The following EYA1 variants were observed in gnomAD, a reference collection of about 807,000 sequenced individuals.
The protein encoded by EYA1 is EYA transcriptional coactivator and phosphatase 1.
A neutral mutation model predicts 82.0 loss-of-function variants in EYA1; 16 were observed. The observed-to-expected ratio is 0.20, with a 90% CI of 0.13 to 0.30. The LOEUF (loss-of-function observed/expected upper bound fraction) is 0.30, where lower values mean the gene tolerates loss of function less well. Ranked by LOEUF, EYA1 falls within the 10% of genes least tolerant of loss-of-function variation. The pLI is 1.00. For missense variants in EYA1, 633 were observed against 730.7 expected (o/e 0.87, Z 1.54); for synonymous variants, 261 against 264.4 (o/e 0.99, Z 0.12).
intron 12 of EYA1, among the ~76,000 whole-genome samples, chr8:71,235,183 A>G (rs1324174934): frequency 6.6e-6 from 1 of 152,170 alleles, no homozygotes; most frequent in Non-Finnish European, 1.5e-5. Flanking sequence ...TCTTGCCCCG[A>G]TTCCATTTGA....
chr8:71,255,610 A>C (rs1814314685), intron 11 of EYA1, among the ~76,000 whole-genome samples: 1 of 152,188 alleles, frequency 6.6e-6, no homozygotes, highest in South Asian at 2.1e-4. Context: ...ATAGATCAAA[A>C]ACCTAAATGA....
chr8:71,226,418 G>T (rs548548437), intron 12 of EYA1, among the ~76,000 whole-genome samples: 16 of 151,670 alleles, frequency 1.1e-4, no homozygotes, highest in Non-Finnish European at 1.9e-4. Context: ...CACCATGAAT[G>T]CCTTCTTTAC....
intron 3 of EYA1, chr8:71,334,404 A>C (rs1824250543): frequency 1.8e-6 from 1 of 568,488 alleles, no homozygotes; most frequent in Admixed American, 3.0e-5. Flanking sequence ...TAAAAGCAGC[A>C]CTGTAAAAGT....
In EYA1 at chr8:71,480,919, T is replaced by C. The variant is rs1406950106; in HGVS notation, c.33+54825A>G. 8.5e-5 allele frequency among the ~76,000 whole-genome samples: 13 copies of C among 152,278 alleles called. No individual in the cohort carries two copies. The East Asian group carries it at 2.5e-3, about 29-fold the overall frequency. ...TTGAGGTGAAAATGGCTTTTTTCCGTGGTCAATAAAATTAGAATTTTTTTT... is the reference window on the plus strand; with the variant it reads ...TTGAGGTGAAAATGGCTTTTTTCCGCGGTCAATAAAATTAGAATTTTTTTT... On this transcript the variant is annotated intron_variant, in intron 2 of 18. Coordinates refer to the EYA1 transcript ENST00000643681.
At chr8:71,340,234 GAC>G (rs762501577) in intron 3 of EYA1, among the ~76,000 whole-genome samples, 21 of 152,124 alleles carry the variant, frequency 1.4e-4, no homozygotes, top group Admixed American at 7.2e-4. Flanking sequence ...CCCATACTCT[GAC>G]ACAGAATTTT....
At chr8:71,510,647 G>A (rs752306868) in intron 2 of EYA1, among the ~76,000 whole-genome samples, 17 of 152,166 alleles carry the variant, frequency 1.1e-4, no homozygotes, top group Admixed American at 3.9e-4. Flanking sequence ...CCACTCATAT[G>A]GTTCAATTAC....
chr8:71,364,643 A>G (rs1827633324), upstream of EYA1, among the ~76,000 whole-genome samples: 1 of 152,054 alleles, frequency 6.6e-6, no homozygotes, highest in South Asian at 2.1e-4. Flanking sequence ...TGTAAATCTC[A>G]ATACATAAAT....
chr8:71,491,039 A>C (rs1810957790), intron 2 of EYA1, among the ~76,000 whole-genome samples: 1 of 152,140 alleles, frequency 6.6e-6, no homozygotes, highest in Non-Finnish European at 1.5e-5. Context: ...GAAAAAAAAA[A>C]CACTGAGCAT....
intron 1 of EYA1, among the ~76,000 whole-genome samples, chr8:71,545,948 C>T (rs76589218): frequency 0.016 from 2,505 of 152,270 alleles, 52 homozygotes; most frequent in African/African-American, 0.058. Flanking sequence ...ACACTGTGCT[C>T]TCTCTTGATC....
At chr8:71,417,563 A>G (rs1830921706) in intron 2 of EYA1, among the ~76,000 whole-genome samples, 1 of 152,196 alleles carries the variant, frequency 6.6e-6, no homozygotes, top group Admixed American at 6.5e-5. Context: ...GTTTGTAGTG[A>G]TTATGAATAA....
At chr8:71,343,894 T>A (rs1490604218) in intron 3 of EYA1, among the ~76,000 whole-genome samples, 1 of 152,180 alleles carries the variant, frequency 6.6e-6, no homozygotes, top group Non-Finnish European at 1.5e-5. Context: ...TCTCCAATAT[T>A]ATGCTATAAA....
At chr8:71,280,994 C>A (rs1453962235) in intron 9 of EYA1, among the ~76,000 whole-genome samples, 1 of 152,130 alleles carries the variant, frequency 6.6e-6, no homozygotes, top group African/African-American at 2.4e-5. Flanking sequence ...TGGGATCAAG[C>A]GATCTGCCTG....
At chr8:71,368,735 C>T (rs1181283259) in intron 2 of EYA1, among the ~76,000 whole-genome samples, 2 of 152,056 alleles carry the variant, frequency 1.3e-5, no homozygotes, top group Non-Finnish European at 2.9e-5. Context: ...TGACCTAACT[C>T]ACCACAAATA....
In EYA1 at chr8:71,269,098, A is replaced by ATTCCAAAC. The variant is rs1340567876; in HGVS notation, c.1050+634_1050+641dup. 5.9e-5 allele frequency among the ~76,000 whole-genome samples: 9 copies of ATTCCAAAC among 152,348 alleles called. No homozygotes were observed. In the South Asian group the frequency reaches 8.3e-4, roughly 14 times the overall value. ...AAATCATCAATATGCCAAAAAAGAA[A>ATTCCAAAC]TTCCAAACTTTTGGGATACCCAAAT... On this transcript the variant is annotated intron_variant, in intron 11 of 17. Coordinates refer to ENST00000340726, the MANE Select transcript of EYA1 (RefSeq NM_000503.6).
intron 2 of EYA1, among the ~76,000 whole-genome samples, chr8:71,399,395 C>T (rs544696341): frequency 3.9e-5 from 6 of 152,288 alleles, no homozygotes; most frequent in African/African-American, 1.4e-4. Flanking sequence ...TGTTCCTACT[C>T]GGCTATCTTG....
intron 2 of EYA1, among the ~76,000 whole-genome samples, chr8:71,415,485 G>A (rs1450703999): frequency 1.3e-5 from 2 of 152,196 alleles, no homozygotes; most frequent in Non-Finnish European, 2.9e-5. Flanking sequence ...AACACAGAGA[G>A]CTAGTAAGGG....
chr8:71,312,368 T>C (rs1305148848), intron 7 of EYA1, among the ~76,000 whole-genome samples: 2 of 152,228 alleles, frequency 1.3e-5, no homozygotes, highest in African/African-American at 4.8e-5. Context: ...GTAGCCATTC[T>C]TAACTGTTGA....
chr8:71,297,937 G>A (rs1398688273), intron 9 of EYA1, among the ~76,000 whole-genome samples: 1 of 152,064 alleles, frequency 6.6e-6, no homozygotes, highest in Admixed American at 6.5e-5. Context: ...CAGAAATAAT[G>A]AGCATTAGAA....
chr8:71,502,800 C>T (rs1410099259), intron 2 of EYA1, among the ~76,000 whole-genome samples: 1 of 152,188 alleles, frequency 6.6e-6, no homozygotes, highest in African/African-American at 2.4e-5. Context: ...AACAACTCTG[C>T]TACAATCTTG....
Sources: gnomAD v4.1 joint callset for allele counts (sites outside exome capture counted in the v4.1 genomes callset) on GRCh38, gnomAD v4.1.1 for gene constraint, MANE v1.5 for transcripts, NCBI Gene and HGNC (gene_info 2026-07-23, HGNC 2026-07-21) for gene names.